The following VWF variants were observed in gnomAD, a reference collection of about 807,000 sequenced individuals.
The protein encoded by VWF is von Willebrand factor, also known as Factor VIII related antigen.
In VWF, 176 loss-of-function variants were observed where a neutral mutation model predicts 308.6. That is an observed-to-expected ratio of 0.57 (90% CI 0.50 to 0.65). The LOEUF is 0.65. Ranked by LOEUF, VWF falls within the 30% of genes least tolerant of loss-of-function variation. The pLI, the probability that VWF is intolerant of heterozygous loss-of-function variation, is 0.00. For synonymous variants in VWF, 1,385 were observed against 1,443.4 expected (o/e 0.96, Z 0.92); for missense variants, 3,146 against 3,648.2 (o/e 0.86, Z 3.55).
rs559447253 is a variant in VWF, at chr12:6,028,271, C to A, written c.2967+1071G>T. The stretch of plus-strand genomic sequence containing the variant: ...CAAATAGCTCTCAAAACATGCTGGC[C>A]CATGACTCAATGATAAGGAAACACC... On this transcript the variant is annotated intron_variant, in intron 22 of 51. Coordinates refer to ENST00000261405, the MANE Select transcript of VWF (RefSeq NM_000552.5). 7.0e-4 allele frequency among the ~76,000 whole-genome samples: 106 copies of A among 152,218 alleles called. 2 individuals are homozygous for A. Among genetic ancestry groups the A allele is most frequent in the Admixed American group, 6.9e-3 (105 of 15,302 alleles).
At chr12:6,107,371 A>G (rs985753233) in intron 5 of VWF, among the ~76,000 whole-genome samples, 4 of 152,240 alleles carry the variant, frequency 2.6e-5, no homozygotes, top group Admixed American at 6.5e-5. Context: ...GAAAACTCAG[A>G]GAACTGTATG....
rs1206499921 is a variant in VWF, at chr12:6,022,845, G to C, written c.3433C>G (p.Arg1145Gly). The C allele has an allele frequency of 1.8e-6, 1 of 542,450 alleles. No individual in the cohort carries two copies. The highest frequency in any genetic ancestry group is 3.6e-5 in the Admixed American group (1 of 27,816). 33.6% of individuals were successfully genotyped at this position (542,450 alleles called of 1,614,324 possible). A position where few individuals can be genotyped will look rare whatever the true frequency, so the allele number is the denominator to read the frequency against. The change falls in exon 26 of 52, where the codon CGC (arginine) becomes GGC (glycine). Residue 1145 changes from arginine (R) to glycine (G), a missense_variant. By Grantham distance (125) the Arg-to-Gly change is moderately radical. This residue lies in a region of VWF where 853 missense variants were observed against 1,177.8 expected (regional missense o/e 0.72). Transcript: ENST00000261405. ...CAGGCAGGTGCACAGCTGTTATAGC[G>C]CCACTCACACTCATACCCGTTCTCC... ...LRENGYECEW[R>G]YNSCAPACQV...
chr12:6,002,797 G>A (rs987542988), intron 34 of VWF, among the ~76,000 whole-genome samples: 1 of 152,150 alleles, frequency 6.6e-6, no homozygotes, highest in Admixed American at 6.5e-5. Context: ...CTGAAAAGGA[G>A]AGAAAACTTC....
chr12:6,025,875 G>A, intron 23 of VWF, 31 bp downstream of exon 23: 1 of 1,613,796 alleles, frequency 6.2e-7, no homozygotes, highest in Non-Finnish European at 8.5e-7. Flanking sequence ...GCAAGCTCTA[G>A]GGCTCTGTCC....
intron 48 of VWF, 131 bp downstream of exon 48, chr12:5,953,361 TTATA>T (rs1471555361): frequency 2.9e-6 from 2 of 692,624 alleles, no homozygotes; most frequent in East Asian, 2.7e-5. Flanking sequence ...TATCTTTTCT[TTATA>T]TAATCAGAAA....
rs867631561 is a variant in VWF, at chr12:6,058,035, C to T, written c.1543G>A (p.Val515Ile). The T allele has an allele frequency of 2.5e-6, 4 of 1,613,002 alleles. No individual in the cohort carries two copies. Among genetic ancestry groups the T allele is most frequent in the African/African-American group, 1.3e-5 (1 of 75,032 alleles). The stretch of plus-strand genomic sequence containing the variant: ...AGGCCGCAGGTCTTCCCGGCATAGA[C>T]GGGGGACAGCTGCAGGAGAGACCAG... ...RGRLLVKLSPVYAGKTCGLCG... is the reference protein window; with the variant it reads ...RGRLLVKLSPIYAGKTCGLCG... The change falls in exon 14 of 52, where the codon GTC becomes ATC. Residue 515 changes from valine to isoleucine, a missense_variant. Coordinates refer to ENST00000261405, the MANE Select transcript of VWF (RefSeq NM_000552.5). The surrounding 1 kb of genome is among the most constrained non-coding windows in gnomAD (Gnocchi z 4.9).
At chr12:6,122,057 T>C (rs971631012) in intron 2 of VWF, among the ~76,000 whole-genome samples, 3 of 152,236 alleles carry the variant, frequency 2.0e-5, no homozygotes, top group African/African-American at 7.2e-5. Flanking sequence ...GTATAGCATA[T>C]ATACAGCTGT....
intron 5 of VWF, among the ~76,000 whole-genome samples, chr12:6,096,471 G>A (rs1945107217): frequency 6.6e-6 from 1 of 152,144 alleles, no homozygotes; most frequent in South Asian, 2.1e-4. Context: ...ATCACCTTTG[G>A]TTTGTATTCT....
At chr12:6,013,214 T>G (rs1037029861) in intron 32 of VWF, among the ~76,000 whole-genome samples, 5 of 152,186 alleles carry the variant, frequency 3.3e-5, no homozygotes, top group African/African-American at 1.2e-4. Flanking sequence ...CAAATAAGCT[T>G]AGGCTCTCTC....
intron 47 of VWF, among the ~76,000 whole-genome samples, chr12:5,958,732 G>A (rs1487903995): frequency 6.6e-6 from 1 of 152,048 alleles, no homozygotes; most frequent in Non-Finnish European, 1.5e-5. Context: ...TTCACTTAGG[G>A]GAAGCAGGGA....
chr12:6,051,983 A>G (rs1254292999), intron 16 of VWF, among the ~76,000 whole-genome samples: 3 of 152,190 alleles, frequency 2.0e-5, no homozygotes, highest in Non-Finnish European at 4.4e-5. Flanking sequence ...TGTTTGCTCA[A>G]CAAATGTCCT....
At chr12:6,000,787 G>GCT (rs1943863488) in intron 34 of VWF, among the ~76,000 whole-genome samples, 2 of 93,050 alleles carry the variant, frequency 2.1e-5, no homozygotes, top group South Asian at 9.4e-4. Context: ...ACTCCAGCCT[G>GCT]AGCCACAGAG....
At chr12:6,061,156 G>A (rs943952180) in intron 13 of VWF, among the ~76,000 whole-genome samples, 4 of 152,124 alleles carry the variant, frequency 2.6e-5, no homozygotes, top group Admixed American at 2.0e-4. Flanking sequence ...AGCCAAGATC[G>A]TGCCACTGCC....
At chr12:6,090,092 G>A (rs1945014885) in intron 6 of VWF, among the ~76,000 whole-genome samples, 1 of 151,998 alleles carries the variant, frequency 6.6e-6, no homozygotes, top group Non-Finnish European at 1.5e-5. Flanking sequence ...CGAGTAGCTG[G>A]GACTACAGGC....
At chr12:6,086,204 G>C (rs149618361) in intron 6 of VWF, among the ~76,000 whole-genome samples, 24 of 152,312 alleles carry the variant, frequency 1.6e-4, no homozygotes, top group Admixed American at 1.4e-3. Context: ...CCAAACCAGG[G>C]ACTGCCCCCT....
intron 42 of VWF, among the ~76,000 whole-genome samples, chr12:5,978,257 A>C (rs1429267384): frequency 4.6e-5 from 7 of 151,754 alleles, no homozygotes; most frequent in Non-Finnish European, 1.0e-4. Flanking sequence ...CTGAAAGGAA[A>C]TTTTATGTAT....
chr12:6,069,119 A>G (rs4764483), intron 10 of VWF, among the ~76,000 whole-genome samples: 43,902 of 151,172 alleles, frequency 0.29, 10,692 homozygotes, highest in African/African-American at 0.67. Flanking sequence ...GCCTCCCAAA[A>G]AGCTGGGATT....
At chr12:6,065,530 C>T (rs955754244) in intron 10 of VWF, among the ~76,000 whole-genome samples, 6 of 152,238 alleles carry the variant, frequency 3.9e-5, no homozygotes, top group African/African-American at 1.4e-4. Context: ...CAGAGCCACA[C>T]TCAGTCAGTG....
intron 3 of VWF, among the ~76,000 whole-genome samples, chr12:6,118,180 T>C (rs528526554): frequency 2.6e-4 from 40 of 152,198 alleles, no homozygotes; most frequent in African/African-American, 9.6e-4. Flanking sequence ...TTCAACATGC[T>C]GACTTGGCTC....
Sources: gnomAD v4.1 joint callset for allele counts (sites outside exome capture counted in the v4.1 genomes callset) on GRCh38, gnomAD v4.1.1 for gene constraint, gnomAD v4.1.1 regional missense constraint, Gnocchi (gnomAD v3.1) non-coding constraint, MANE v1.5 for transcripts, NCBI Gene and HGNC (gene_info 2026-07-23, HGNC 2026-07-21) for gene names.